The following MTUS2 variants were observed in gnomAD, a reference collection of about 807,000 sequenced individuals.
The protein encoded by MTUS2 is microtubule-associated tumor suppressor candidate 2.
A neutral mutation model predicts 114.1 loss-of-function variants in MTUS2; 40 were observed. That is an observed-to-expected ratio of 0.35 (90% CI 0.27 to 0.46). The LOEUF (loss-of-function observed/expected upper bound fraction) is 0.46. MTUS2 is among the 20% of genes least tolerant of loss of function. The pLI, the probability that MTUS2 is intolerant of heterozygous loss-of-function variation, is 1.00. For missense variants in MTUS2, 1,679 were observed against 1,705.4 expected, an observed-to-expected ratio of 0.98 and a Z score of 0.27; for synonymous variants, 688 against 672.0, an observed-to-expected ratio of 1.02 and a Z score of -0.37.
chr13:28,994,904 A>C (rs1029288361), intron 2 of MTUS2, among the ~76,000 whole-genome samples: 1 of 152,208 alleles, frequency 6.6e-6, no homozygotes, highest in African/African-American at 2.4e-5. Flanking sequence ...TCTTTAGTTT[A>C]ATTAGATCCC....
chr13:29,098,479 T>TTCACACAC (rs141445859), intron 4 of MTUS2, among the ~76,000 whole-genome samples: 8 of 150,798 alleles, frequency 5.3e-5, no homozygotes, highest in Non-Finnish European at 1.2e-4. Flanking sequence ...TGTGCGTGCA[T>TTCACACAC]GCACACACAC....
chr13:29,259,615 A>G (rs961292536), intron 5 of MTUS2, among the ~76,000 whole-genome samples: 4 of 152,212 alleles, frequency 2.6e-5, no homozygotes, highest in African/African-American at 9.6e-5. Context: ...TTGGAATACT[A>G]TTTGCTCAAA....
At chr13:29,361,246 A>G (rs944298113) in intron 8 of MTUS2, among the ~76,000 whole-genome samples, 2 of 152,190 alleles carry the variant, frequency 1.3e-5, no homozygotes, top group Admixed American at 6.5e-5. Context: ...CTCTGCTACT[A>G]CAGCTACACT....
intron 2 of MTUS2, among the ~76,000 whole-genome samples, chr13:28,992,994 ATG>A (rs1566276123): frequency 6.6e-6 from 1 of 152,152 alleles, no homozygotes; most frequent in East Asian, 1.9e-4. Context: ...CACCACCAGT[ATG>A]TGTTTTTTCA....
chr13:29,194,572 A>G (rs371973663), intron 5 of MTUS2, among the ~76,000 whole-genome samples: 1 of 151,932 alleles, frequency 6.6e-6, no homozygotes, highest in African/African-American at 2.4e-5. Flanking sequence ...TTAGAATGGC[A>G]ATCATTAAAA....
At position 29,380,585 on chromosome 13, in the gene MTUS2, A is replaced by G. The variant is rs111678669; in HGVS notation, c.3117+21112A>G. ...TAGAAGAAGGAACACACGAGAGGAGATGGGTTCATGGGTCAGTCCCTTTAT... is the reference window on the plus strand; with the variant it reads ...TAGAAGAAGGAACACACGAGAGGAGGTGGGTTCATGGGTCAGTCCCTTTAT... On this transcript the variant is annotated intron_variant, in intron 8 of 15. Coordinates refer to ENST00000612955, the MANE Select transcript of MTUS2 (RefSeq NM_001033602.4). Among the ~76,000 whole-genome samples, 863 of 152,280 alleles carry G rather than the reference A, an allele frequency of 5.7e-3. 7 individuals carry two copies. Among genetic ancestry groups the G allele is most frequent in the African/African-American group, 0.02 (818 of 41,538 alleles).
At chr13:29,318,771 C>T in intron 6 of MTUS2, among the ~76,000 whole-genome samples, 1 of 152,192 alleles carries the variant, frequency 6.6e-6, no homozygotes, top group East Asian at 1.9e-4. Context: ...TGAGCTTTTA[C>T]ACTCTCCTTC....
intron 5 of MTUS2, among the ~76,000 whole-genome samples, chr13:29,226,733 G>A (rs1301881937): frequency 6.6e-6 from 1 of 152,042 alleles, no homozygotes; most frequent in Non-Finnish European, 1.5e-5. Flanking sequence ...TGAGGAAAAG[G>A]AATCTATGCC....
chr13:29,092,748 G>A (rs1418284259), intron 4 of MTUS2, among the ~76,000 whole-genome samples: 3 of 130,828 alleles, frequency 2.3e-5, no homozygotes, highest in East Asian at 4.9e-4. Flanking sequence ...GGCCATGGAG[G>A]TCTCTGGCTG....
rs892321099 is a variant in MTUS2 at position 29,480,018 on chromosome 13, G to A, written c.3185-132G>A. ...GAAAGGAAAGCACTTTACAAACTGTGTAGCCCTGCAGAAGTCAGAGGACCT... is the reference window on the plus strand; with the variant it reads ...GAAAGGAAAGCACTTTACAAACTGTATAGCCCTGCAGAAGTCAGAGGACCT... On this transcript the variant is annotated intron_variant, in intron 9 of 15. Transcript: ENST00000612955. The surrounding 1 kb of genome is among the most constrained non-coding windows in gnomAD (Gnocchi z 4.4). 22 of 824,880 alleles carry A rather than the reference G, an allele frequency of 2.7e-5. No individual in the cohort carries two copies. The highest frequency in any genetic ancestry group is 4.0e-5 in the Non-Finnish European group (21 of 523,734). The allele number at this position is 824,880 out of a possible 1,614,324, so 51.1% of individuals were successfully genotyped here. A position where few individuals can be genotyped will look rare whatever the true frequency, so the allele number is the denominator to read the frequency against.
chr13:29,136,499 G>C (rs1891983999), intron 5 of MTUS2, among the ~76,000 whole-genome samples: 2 of 152,212 alleles, frequency 1.3e-5, no homozygotes, highest in Non-Finnish European at 2.9e-5. Flanking sequence ...CTACCCTGCA[G>C]CCTCTGGGCA....
chr13:28,951,254 A>G (rs1882795035), intron 2 of MTUS2, among the ~76,000 whole-genome samples: 2 of 152,256 alleles, frequency 1.3e-5, no homozygotes, highest in South Asian at 4.1e-4. Flanking sequence ...AACTATTTTG[A>G]TAGAGATTGC....
At chr13:29,140,699 C>G (rs1268919391) in intron 5 of MTUS2, among the ~76,000 whole-genome samples, 1 of 152,158 alleles carries the variant, frequency 6.6e-6, no homozygotes, top group Non-Finnish European at 1.5e-5. Context: ...TTAGGAAACA[C>G]CAATCACTAG....
intron 2 of MTUS2, among the ~76,000 whole-genome samples, chr13:28,872,841 A>G (rs1038514540): frequency 1.3e-5 from 2 of 152,220 alleles, no homozygotes; most frequent in African/African-American, 4.8e-5. Flanking sequence ...ATAGCCATCC[A>G]AGGAGAGAAC....
chr13:29,027,775 G>A (rs1426986387), intron 3 of MTUS2, among the ~76,000 whole-genome samples: 3 of 152,046 alleles, frequency 2.0e-5, no homozygotes, highest in Non-Finnish European at 4.4e-5. Flanking sequence ...TCCTGACCTC[G>A]TGATCCGCCT....
chr13:29,414,304 G>T (rs1337474506), intron 8 of MTUS2, among the ~76,000 whole-genome samples: 19 of 93,578 alleles, frequency 2.0e-4, no homozygotes, highest in African/African-American at 8.1e-4. Context: ...GGGGACTGTG[G>T]TGGGGTCGGG....
At chr13:28,940,264 A>G (rs975755786) in intron 2 of MTUS2, among the ~76,000 whole-genome samples, 1 of 132,572 alleles carries the variant, frequency 7.5e-6, no homozygotes. Context: ...TTGTGTACAT[A>G]TGATGGAATA....
rs116263383 is a variant in MTUS2, at chr13:29,120,721, A to G, written c.2644+19751A>G. Reference sequence around the variant, plus strand: ...TGAAGTGAGGCAGGAGCCCTCCACTAAAGGATGGGCTGATCCCCTTGGGGT... The same window carrying G: ...TGAAGTGAGGCAGGAGCCCTCCACTGAAGGATGGGCTGATCCCCTTGGGGT... On this transcript the variant is annotated intron_variant, in intron 5 of 15. Transcript: ENST00000612955. 7.4e-3 allele frequency among the ~76,000 whole-genome samples: 1,127 copies of G among 152,320 alleles called. 11 individuals carry two copies. The highest frequency in any genetic ancestry group is 0.025 in the African/African-American group (1,047 of 41,562).
intron 2 of MTUS2, among the ~76,000 whole-genome samples, chr13:28,955,454 T>C (rs1883015295): frequency 6.6e-6 from 1 of 152,178 alleles, no homozygotes; most frequent in Non-Finnish European, 1.5e-5. Flanking sequence ...CCCACTTAGG[T>C]CCTCTTTAAT....
Sources: gnomAD v4.1 joint callset for allele counts (sites outside exome capture counted in the v4.1 genomes callset) on GRCh38, gnomAD v4.1.1 for gene constraint, Gnocchi (gnomAD v3.1) non-coding constraint, MANE v1.5 for transcripts, NCBI Gene and HGNC (gene_info 2026-07-23, HGNC 2026-07-21) for gene names.